Variants in RAPGEF5 observed in about 807,000 individuals in gnomAD.
RAPGEF5 encodes the protein M-Ras-regulated GEF.
A neutral mutation model predicts 125.2 loss-of-function variants in RAPGEF5; 65 were observed. The ratio of observed to expected loss-of-function variants is 0.52; its 90% CI spans 0.43 to 0.64. RAPGEF5 has a LOEUF of 0.64. Among genes scored for constraint, RAPGEF5 ranks in the 30% least tolerant of loss-of-function variants. RAPGEF5 has a pLI of 0.00. For synonymous variants in RAPGEF5, 391 were observed against 385.9 expected, an observed-to-expected ratio of 1.01 and a Z score of -0.16; for missense variants, 958 against 1,048.1, an observed-to-expected ratio of 0.91 and a Z score of 1.19.
At chr7:22,319,449 T>A (rs2128155416) in intron 1 of RAPGEF5, among the ~76,000 whole-genome samples, 1 of 152,336 alleles carries the variant, frequency 6.6e-6, no homozygotes, top group East Asian at 1.9e-4. Flanking sequence ...ATGTATCAAC[T>A]CTTTATCCAG....
chr7:22,322,496 T>C (rs1783735536), intron 1 of RAPGEF5, among the ~76,000 whole-genome samples: 1 of 152,100 alleles, frequency 6.6e-6, no homozygotes, highest in Admixed American at 6.6e-5. Context: ...TGAAAAACTA[T>C]GAGGTAGGTA....
At chr7:22,271,746 A>C (rs945508577) in intron 6 of RAPGEF5, among the ~76,000 whole-genome samples, 3 of 152,212 alleles carry the variant, frequency 2.0e-5, no homozygotes, top group African/African-American at 7.2e-5. Context: ...AAACATGTTG[A>C]AATGTTTTGG....
intron 11 of RAPGEF5, chr7:22,192,285 T>C (rs1785020498): frequency 6.6e-6 from 1 of 152,490 alleles, no homozygotes; most frequent in Non-Finnish European, 1.5e-5. Context: ...AATTACACAA[T>C]AACTTTACTG....
chr7:22,247,923 T>G (rs761328137), intron 7 of RAPGEF5, among the ~76,000 whole-genome samples: 13 of 151,974 alleles, frequency 8.6e-5, no homozygotes, highest in Non-Finnish European at 1.8e-4. Context: ...AGCTAAACAA[T>G]GGGTACTTAT....
In RAPGEF5 at chr7:22,180,695, G is replaced by C. The variant is rs146679863; in HGVS notation, c.1204+12672C>G. Among the ~76,000 whole-genome samples the C allele has an allele frequency of 1.1e-3, 175 of 152,244 alleles. 2 individuals carry two copies. The East Asian group carries it at 0.029, about 26-fold the overall frequency. On this transcript the variant is annotated intron_variant, in intron 11 of 25. Coordinates refer to ENST00000665637, the MANE Select transcript of RAPGEF5 (RefSeq NM_012294.5). ...ACACTGAAAATTTCCAGAAGCTCAA[G>C]TACACGATCTGCAATATGATATGGT...
chr7:22,282,537 T>C (rs1782696944), intron 6 of RAPGEF5, among the ~76,000 whole-genome samples: 2 of 152,196 alleles, frequency 1.3e-5, no homozygotes, highest in African/African-American at 4.8e-5. Context: ...GAAAACTGTG[T>C]TTTCAACCCA....
chr7:22,338,385 A>T (rs559067290), intron 1 of RAPGEF5, among the ~76,000 whole-genome samples: 2 of 152,340 alleles, frequency 1.3e-5, no homozygotes, highest in South Asian at 4.1e-4. Context: ...TGCACTCCCC[A>T]AAGTATTTTC....
At chr7:22,322,016 G>C (rs1783723235) in intron 1 of RAPGEF5, among the ~76,000 whole-genome samples, 2 of 152,096 alleles carry the variant, frequency 1.3e-5, no homozygotes, top group Non-Finnish European at 2.9e-5. Flanking sequence ...GGGGATAATG[G>C]GTCAGGTGCG....
At chr7:22,156,114 A>T (rs543049549) in intron 16 of RAPGEF5, among the ~76,000 whole-genome samples, 11 of 152,350 alleles carry the variant, frequency 7.2e-5, no homozygotes, top group Admixed American at 6.5e-4. Context: ...AATTGGGCAA[A>T]TATTAAATGA....
At chr7:22,204,533 G>A (rs1039582768) in intron 9 of RAPGEF5, among the ~76,000 whole-genome samples, 2 of 152,192 alleles carry the variant, frequency 1.3e-5, no homozygotes, top group Admixed American at 6.5e-5. Context: ...CAGTATTTAT[G>A]CAAGTTATGG....
At chr7:22,208,448 TG>T (rs1463575844) in intron 9 of RAPGEF5, among the ~76,000 whole-genome samples, 2 of 152,222 alleles carry the variant, frequency 1.3e-5, no homozygotes, top group African/African-American at 4.8e-5. Context: ...TGAAGGAATC[TG>T]AATTAAGCTG....
intron 5 of RAPGEF5, among the ~76,000 whole-genome samples, chr7:22,302,624 C>T (rs1324340270): frequency 6.6e-6 from 1 of 152,158 alleles, no homozygotes; most frequent in Non-Finnish European, 1.5e-5. Flanking sequence ...CCAGACCACT[C>T]GCCATGTACC....
At chr7:22,160,396 CA>C (rs1427163844) in intron 14 of RAPGEF5, 121 bp downstream of exon 14, 1 of 853,064 alleles carries the variant, frequency 1.2e-6, no homozygotes, top group Non-Finnish European at 1.8e-6. Context: ...AAAGCTAAGG[CA>C]TCAAGATGAA....
Position 22,357,068 on chromosome 7 carries a change from C to A in RAPGEF5, c.-8G>T, listed in dbSNP as rs1275993779. 1.9e-6 allele frequency: 2 copies of A among 1,034,430 alleles called. No individual in the cohort carries two copies. The highest frequency in any genetic ancestry group is 2.3e-6 in the Non-Finnish European group (2 of 862,742). 64.1% of individuals were successfully genotyped at this position (1,034,430 alleles called of 1,614,324 possible). A position where few individuals can be genotyped will look rare whatever the true frequency, so the allele number is the denominator to read the frequency against. ...GCCCACGGCCATCCTCATGCCCTGA[C>A]GGCGCTGCGGCGCCGGGGGCTCCTC... On this transcript the variant is annotated 5_prime_UTR_variant, in exon 1 of 26. Transcript: ENST00000665637.
intron 1 of RAPGEF5, among the ~76,000 whole-genome samples, chr7:22,333,237 T>C (rs1208558965): frequency 6.6e-6 from 1 of 152,168 alleles, no homozygotes; most frequent in Non-Finnish European, 1.5e-5. Context: ...TAAAATCAGG[T>C]TGAACTGCAT....
chr7:22,156,256 A>G (rs964191059), intron 16 of RAPGEF5, among the ~76,000 whole-genome samples: 2 of 152,202 alleles, frequency 1.3e-5, no homozygotes, highest in African/African-American at 2.4e-5. Context: ...CTAAAAGGAG[A>G]AAACCACTGG....
At chr7:22,244,193 C>CGT (rs1044473442) in intron 7 of RAPGEF5, among the ~76,000 whole-genome samples, 1 of 151,840 alleles carries the variant, frequency 6.6e-6, no homozygotes. Context: ...TACACATATA[C>CGT]GTGTGTGTGT....
chr7:22,149,465 G>T (rs752355674), intron 18 of RAPGEF5, among the ~76,000 whole-genome samples: 3 of 152,204 alleles, frequency 2.0e-5, no homozygotes, highest in Admixed American at 1.3e-4. Flanking sequence ...CTAGATGACA[G>T]ATCTGAAGTC....
chr7:22,252,700 T>C (rs1245838146), intron 7 of RAPGEF5, among the ~76,000 whole-genome samples: 1 of 152,218 alleles, frequency 6.6e-6, no homozygotes, highest in Non-Finnish European at 1.5e-5. Flanking sequence ...TTATTTATCA[T>C]TTCGACTTAA....
Sources: gnomAD v4.1 joint callset for allele counts (sites outside exome capture counted in the v4.1 genomes callset) on GRCh38, gnomAD v4.1.1 for gene constraint, MANE v1.5 for transcripts, NCBI Gene and HGNC (gene_info 2026-07-23, HGNC 2026-07-21) for gene names.